Variants in PRKCB observed in about 807,000 individuals in gnomAD.
PRKCB encodes protein kinase C beta.
Under a neutral mutation model 81.5 loss-of-function variants are expected in PRKCB, and 13 were observed. The ratio of observed to expected loss-of-function variants is 0.16; its 90% CI spans 0.10 to 0.25. The LOEUF is 0.25. Among genes scored for constraint, PRKCB ranks in the 10% least tolerant of loss-of-function variants. The pLI, the probability that PRKCB is intolerant of heterozygous loss-of-function variation, is 1.00. For synonymous variants in PRKCB, 335 were observed against 321.4 expected, an observed-to-expected ratio of 1.04 and a Z score of -0.45; for missense variants, 509 against 875.7, an observed-to-expected ratio of 0.58 and a Z score of 5.29.
chr16:24,108,261 G>T (rs1966603322), intron 7 of PRKCB, among the ~76,000 whole-genome samples: 3 of 123,972 alleles, frequency 2.4e-5, no homozygotes, highest in African/African-American at 6.5e-5. Context: ...GTGTTTATTT[G>T]TCCCCAATCT....
chr16:24,051,528 A>G (rs1244833782), intron 5 of PRKCB, among the ~76,000 whole-genome samples: 2 of 152,124 alleles, frequency 1.3e-5, no homozygotes, highest in East Asian at 3.9e-4. Flanking sequence ...TAGCCCTGGG[A>G]CAGACAGTTT....
chr16:23,933,523 G>A (rs1313786094), intron 2 of PRKCB, among the ~76,000 whole-genome samples: 1 of 152,094 alleles, frequency 6.6e-6, no homozygotes, highest in Non-Finnish European at 1.5e-5. Flanking sequence ...GCATTGTTGG[G>A]GAAGATAATA....
Position 24,007,146 on chromosome 16 carries a change from A to G in PRKCB, c.288+18556A>G, listed in dbSNP as rs532850797. On this transcript the variant is annotated intron_variant, in intron 3 of 16. Coordinates refer to ENST00000643927, the MANE Select transcript of PRKCB (RefSeq NM_002738.7). The stretch of plus-strand genomic sequence containing the variant: ...GCTAGTTACCTAACCTCCCTGCTTC[A>G]GTTTCCTCATCTATAAAAAGAGGAT... Among the ~76,000 whole-genome samples, 33 of 152,350 alleles carry G rather than the reference A, an allele frequency of 2.2e-4. No individual in the cohort carries two copies. In the South Asian group the frequency reaches 6.8e-3, roughly 32 times the overall value.
rs147920262 is a variant in PRKCB, at chr16:23,987,795, G to GAAC, written c.206-695_206-693dup. Among the ~76,000 whole-genome samples, 929 of 152,080 alleles carry GAAC rather than the reference G, an allele frequency of 6.1e-3. 23 individuals carry two copies. The East Asian group carries it at 0.083, about 14-fold the overall frequency. ...ACACCAAGACTGTAAAAGATGATTT[G>GAAC]AACAACAACAACAACAACAAAGCAG... On this transcript the variant is annotated intron_variant, in intron 2 of 16. Coordinates refer to ENST00000643927, the MANE Select transcript of PRKCB (RefSeq NM_002738.7).
intron 2 of PRKCB, among the ~76,000 whole-genome samples, chr16:23,974,982 C>T (rs370943116): frequency 4.6e-5 from 7 of 152,222 alleles, no homozygotes; most frequent in East Asian, 1.9e-4. Context: ...AGGGGAAAGC[C>T]GGGCACCTCG....
intron 16 of PRKCB, among the ~76,000 whole-genome samples, chr16:24,199,353 T>G (rs1207048668): frequency 6.6e-6 from 1 of 152,250 alleles, no homozygotes; most frequent in Non-Finnish European, 1.5e-5. Context: ...TGTGACATTC[T>G]CTTCCAAACC....
chr16:23,945,076 A>G (rs756102046), intron 2 of PRKCB, among the ~76,000 whole-genome samples: 7 of 152,340 alleles, frequency 4.6e-5, no homozygotes, highest in Non-Finnish European at 1.0e-4. Context: ...ATTGAGGGCC[A>G]GAGAGGGGAC....
intron 9 of PRKCB, among the ~76,000 whole-genome samples, chr16:24,136,798 G>A (rs1300276650): frequency 2.0e-5 from 3 of 152,164 alleles, no homozygotes; most frequent in Admixed American, 1.3e-4. Flanking sequence ...AGAAGAAAAC[G>A]ACGGGCCTGT....
rs545607687 is a variant in PRKCB, at chr16:23,924,175, T to C, written c.206-64333T>C. On this transcript the variant is annotated intron_variant, in intron 2 of 16. Transcript: ENST00000643927. ...AGTGAGTTCTCACAAGAGCTGATGGTTTTATAAGGGGCTCCTCCCCCTTCA... is the reference window on the plus strand; with the variant it reads ...AGTGAGTTCTCACAAGAGCTGATGGCTTTATAAGGGGCTCCTCCCCCTTCA... Among the ~76,000 whole-genome samples, 5 of 109,162 alleles carry C rather than the reference T, an allele frequency of 4.6e-5. No individual in the cohort carries two copies. In the East Asian group the frequency reaches 1.6e-3, roughly 35 times the overall value. 71.6% of individuals were successfully genotyped at this position (109,162 alleles called of 152,430 possible).
intron 2 of PRKCB, among the ~76,000 whole-genome samples, chr16:23,879,906 C>T (rs1417396323): frequency 6.6e-6 from 1 of 152,130 alleles, no homozygotes; most frequent in Non-Finnish European, 1.5e-5. Context: ...ACTCTGTGAC[C>T]TTGGGCAAGT....
intron 13 of PRKCB, among the ~76,000 whole-genome samples, chr16:24,184,700 A>G (rs1174194283): frequency 6.6e-6 from 1 of 152,174 alleles, no homozygotes; most frequent in Non-Finnish European, 1.5e-5. Context: ...TATCTCTTAA[A>G]CGTTTTTATG....
In PRKCB at chr16:24,214,719, C is replaced by T. The variant is rs1289890068; in HGVS notation, c.1925C>T (p.Pro642Leu). The stretch of plus-strand genomic sequence containing the variant: ...ACCCGCCATCCACCAGTCCTAACAC[C>T]TCCCGACCAGGAAGTCATCAGGAAT... ...FFTRHPPVLTPPDQEVIRNID... is the reference protein window; with the variant it reads ...FFTRHPPVLTLPDQEVIRNID... The change falls in exon 17 of 17, where the codon CCT becomes CTT. Residue 642 changes from proline (P) to leucine (L), a missense_variant. Pro to Leu is a moderately conservative substitution (Grantham distance 98, BLOSUM62 -3). Coordinates refer to ENST00000643927, the MANE Select transcript of PRKCB (RefSeq NM_002738.7). The T allele has an allele frequency of 1.2e-6, 2 of 1,614,192 alleles. No homozygotes were observed. Among genetic ancestry groups the T allele is most frequent in the Non-Finnish European group, 1.7e-6 (2 of 1,180,024 alleles).
chr16:24,124,167 C>A (rs562100921), intron 9 of PRKCB, among the ~76,000 whole-genome samples, 186 bp downstream of exon 9: 2 of 152,102 alleles, frequency 1.3e-5, no homozygotes, highest in Non-Finnish European at 2.9e-5. Context: ...AACAAAAAGG[C>A]GACCCTTTCA....
intron 6 of PRKCB, among the ~76,000 whole-genome samples, chr16:24,093,241 AGTT>A (rs1427507003): frequency 1.3e-5 from 2 of 152,114 alleles, no homozygotes; most frequent in African/African-American, 4.8e-5. Flanking sequence ...AGTGAAGGCA[AGTT>A]GTGGGAGAAA....
At chr16:24,078,303 GC>G (rs1567366608) in intron 5 of PRKCB, among the ~76,000 whole-genome samples, 3 of 152,230 alleles carry the variant, frequency 2.0e-5, no homozygotes, top group African/African-American at 7.2e-5. Context: ...CAGCACCCAA[GC>G]AAGGGTGGGG....
intron 2 of PRKCB, among the ~76,000 whole-genome samples, chr16:23,872,942 T>C (rs1236671703): frequency 6.7e-6 from 1 of 149,412 alleles, no homozygotes; most frequent in Non-Finnish European, 1.5e-5. Flanking sequence ...CTTTGGGAGG[T>C]CGAGGCGGGC....
At chr16:24,111,781 G>T (rs1311263443) in intron 7 of PRKCB, among the ~76,000 whole-genome samples, 2 of 152,110 alleles carry the variant, frequency 1.3e-5, no homozygotes, top group African/African-American at 4.8e-5. Context: ...CTTGGTGACA[G>T]AACAAGGCCC....
intron 8 of PRKCB, among the ~76,000 whole-genome samples, chr16:24,115,032 A>T (rs1966720597): frequency 6.6e-6 from 1 of 152,198 alleles, no homozygotes; most frequent in Non-Finnish European, 1.5e-5. Flanking sequence ...TTCTGCAAAC[A>T]GCATGTGCAA....
chr16:23,900,456 A>G (rs1332542939), intron 2 of PRKCB, among the ~76,000 whole-genome samples: 1 of 152,310 alleles, frequency 6.6e-6, no homozygotes, highest in African/African-American at 2.4e-5. Context: ...TCCTACAGGT[A>G]CAACAAGGTA....
Sources: gnomAD v4.1 joint callset for allele counts (sites outside exome capture counted in the v4.1 genomes callset) on GRCh38, gnomAD v4.1.1 for gene constraint, MANE v1.5 for transcripts, NCBI Gene and HGNC (gene_info 2026-07-23, HGNC 2026-07-21) for gene names.